ZNF48: variants seen among roughly 807,000 people sequenced by gnomAD.
The protein encoded by ZNF48 is zinc finger protein 48.
ZNF48 carries 20 observed loss-of-function variants against 40.0 expected under a neutral mutation model. The ratio of observed to expected loss-of-function variants is 0.50; its 90% CI spans 0.35 to 0.73. The LOEUF is 0.73. ZNF48 is among the 30% of genes least tolerant of loss of function. The pLI, the probability that ZNF48 is intolerant of heterozygous loss-of-function variation, is 0.01. For missense variants in ZNF48, 726 were observed against 851.9 expected, an observed-to-expected ratio of 0.85 and a Z score of 1.84; for synonymous variants, 298 against 329.7, an observed-to-expected ratio of 0.90 and a Z score of 1.04.
chr16:30,382,997 C>T lies in ZNF48; in HGVS notation c.-16+4587C>T, dbSNP rs1213661942. 8.3e-6 allele frequency: 5 copies of T among 599,502 alleles called. No individual in the cohort carries two copies. Among genetic ancestry groups the T allele is most frequent in the Non-Finnish European group, 1.5e-5 (5 of 333,842 alleles). 37.1% of individuals were successfully genotyped at this position (599,502 alleles called of 1,614,324 possible). On this transcript the variant is annotated intron_variant, in intron 1 of 2. Coordinates refer to the ZNF48 transcript ENST00000528032. The surrounding 1 kb of genome is among the most constrained non-coding windows in gnomAD (Gnocchi z 4.8). ...CAGACCAGCCTGGGCAACAGAGGGA[C>T]GTGCCCCTCTACCATCTCTACAAAA...
intron 1 of ZNF48, among the ~76,000 whole-genome samples, chr16:30,384,190 G>A (rs530459030): frequency 6.6e-5 from 10 of 151,680 alleles, no homozygotes; most frequent in African/African-American, 2.4e-4. Flanking sequence ...ACTCCATCCT[G>A]GGCAACAGAG....
In ZNF48 at chr16:30,381,138, G is replaced by A; in HGVS notation, c.-16+2728G>A. On this transcript the variant is annotated intron_variant, in intron 1 of 2. Transcript: ENST00000528032. This position sits in a 1 kb window ranked among gnomAD's most constrained non-coding sequence, Gnocchi z 4.3. ...GTCATCACTCACACCTTCTGCTTGA[G>A]GGCCTGGGTTTCCTGGGGCATCAGA... is the stretch of plus-strand genomic sequence containing the variant. The A allele has an allele frequency of 6.2e-7, 1 of 1,613,644 alleles. No individual in the cohort carries two copies. The highest frequency in any genetic ancestry group is 8.5e-7 in the Non-Finnish European group (1 of 1,179,560).
intron 1 of ZNF48, among the ~76,000 whole-genome samples, chr16:30,387,233 G>A (rs1194303602): frequency 4.2e-5 from 6 of 143,996 alleles, no homozygotes; most frequent in East Asian, 2.2e-4. Context: ...GTGAGCCACC[G>A]CGCCCGGCCT....
chr16:30,384,257 G>A (rs1024362817), intron 1 of ZNF48, among the ~76,000 whole-genome samples: 3 of 151,730 alleles, frequency 2.0e-5, no homozygotes, highest in South Asian at 2.1e-4. Flanking sequence ...GGACCGCTGC[G>A]GTGGCTCACA....
upstream of ZNF48, among the ~76,000 whole-genome samples, chr16:30,393,578 T>G (rs968143708): frequency 6.6e-6 from 1 of 151,568 alleles, no homozygotes; most frequent in Non-Finnish European, 1.5e-5. Context: ...AGAGACAGGG[T>G]TTCACCATGT....
rs1363186634 is a variant in ZNF48 at position 30,398,730 on chromosome 16, C to T, written c.1480C>T (p.Arg494Ter). 5 of 1,613,812 alleles carry T rather than the reference C, an allele frequency of 3.1e-6. No homozygotes were observed. The highest frequency in any genetic ancestry group is 1.7e-6 in the Non-Finnish European group (2 of 1,180,000). ...CAAGGGTTTTGCTGACAGCTCAGCCCGAGTCAAGCACCTCCGCACCCACCG... is the reference window on the plus strand; with the variant it reads ...CAAGGGTTTTGCTGACAGCTCAGCCTGAGTCAAGCACCTCCGCACCCACCG... Reference protein sequence around the residue: ...CGKGFADSSARVKHLRTHRGE... With the variant: ...CGKGFADSSA The change falls in exon 3 of 3, where the codon CGA (arginine) becomes TGA (stop). Residue 494 changes from arginine to a stop codon, truncating the protein, a stop_gained. Coordinates refer to ENST00000613509, the MANE Select transcript of ZNF48 (RefSeq NM_001214909.2). LOFTEE classifies it high-confidence loss of function. The surrounding 1 kb of genome is among the most constrained non-coding windows in gnomAD (Gnocchi z 6.6).
Position 30,381,565 on chromosome 16 carries a change from CTT to C in ZNF48, c.-16+3157_-16+3158del. ...GGACTGTGGGAGTAGAATGTCATTT[CTT>C]TGGCTCCCTCCAAAGACATTAAGGG... On this transcript the variant is annotated intron_variant, in intron 1 of 2. Transcript: ENST00000528032. This position sits in a 1 kb window ranked among gnomAD's most constrained non-coding sequence, Gnocchi z 4.3. 6.5e-7 allele frequency: 1 copy of C among 1,536,386 alleles called. No homozygotes were observed. Among genetic ancestry groups the C allele is most frequent in the Non-Finnish European group, 8.9e-7 (1 of 1,120,100 alleles).
chr16:30,381,943 T>C lies in ZNF48; in HGVS notation c.-16+3533T>C. ...GGCTCTGAGGCAGAATTAATTTCCT[T>C]TGTCAATATCACAGTTGCCTGCACC... On this transcript the variant is annotated intron_variant, in intron 1 of 2. Transcript: ENST00000528032. The surrounding 1 kb of genome is among the most constrained non-coding windows in gnomAD (Gnocchi z 4.3). The C allele has an allele frequency of 1.9e-6, 3 of 1,609,758 alleles. No individual in the cohort carries two copies. Among genetic ancestry groups the C allele is most frequent in the East Asian group, 2.2e-5 (1 of 44,864 alleles).
upstream of ZNF48, among the ~76,000 whole-genome samples, chr16:30,394,243 G>T (rs1422199553): frequency 6.6e-6 from 1 of 152,064 alleles, no homozygotes; most frequent in Admixed American, 6.6e-5. Flanking sequence ...AGCTCTCCAA[G>T]GACAAATCTT....
chr16:30,389,816 GTTT>G (rs56373430), intron 1 of ZNF48, among the ~76,000 whole-genome samples: 3 of 22,502 alleles, frequency 1.3e-4, no homozygotes, highest in African/African-American at 3.1e-4. Flanking sequence ...ATTTGGATTA[GTTT>G]TTTTTTTTTT....
chr16:30,398,000 A>C lies in ZNF48; in HGVS notation c.750A>C (p.Pro250=). 1 of 1,613,384 alleles carries C rather than the reference A, an allele frequency of 6.2e-7. No individual in the cohort carries two copies. The highest frequency in any genetic ancestry group is 8.5e-7 in the Non-Finnish European group (1 of 1,179,700). Reference sequence around the variant, plus strand: ...ACCGGGGGGAGCAGCCCCCCCGACCAGTGGTGCCCCGACGGCAGCCATCTC... The same window carrying C: ...ACCGGGGGGAGCAGCCCCCCCGACCCGTGGTGCCCCGACGGCAGCCATCTC... The part of the protein sequence containing the change: ...RTHRGEQPPR[P]VVPRRQPSRA... The change falls in exon 3 of 3, where the codon CCA becomes CCC. Residue 250 remains proline (P), a synonymous_variant. Transcript: ENST00000613509. The surrounding 1 kb of genome is among the most constrained non-coding windows in gnomAD (Gnocchi z 4.1).
rs201797355 is a variant in ZNF48 at position 30,382,274 on chromosome 16, C to A, written c.-16+3864C>A. 1.2e-6 allele frequency: 2 copies of A among 1,613,666 alleles called. No homozygotes were observed. Among genetic ancestry groups the A allele is most frequent in the South Asian group, 1.1e-5 (1 of 91,050 alleles). On this transcript the variant is annotated intron_variant, in intron 1 of 2. Transcript: ENST00000528032. The surrounding 1 kb of genome is among the most constrained non-coding windows in gnomAD (Gnocchi z 4.8). ...CAGTTCCCTCTCCAAAACCCCCAGA[C>A]CTGCCACCATTAGCGTGAAGTCAAA...
chr16:30,398,252 A>T lies in ZNF48; in HGVS notation c.1002A>T (p.Pro334=), dbSNP rs754844047. The change falls in exon 3 of 3, where the codon CCA becomes CCT. Residue 334 remains proline (P), a synonymous_variant. Coordinates refer to ENST00000613509, the MANE Select transcript of ZNF48 (RefSeq NM_001214909.2). This position sits in a 1 kb window ranked among gnomAD's most constrained non-coding sequence, Gnocchi z 6.6. ...CGGGTGAGAAGCCCTACCTCTGCCC[A>T]GAGTGCGGCAAAGGTTTCGCGGACA... ...VHTGEKPYLC[P]ECGKGFADSS... 3 of 1,613,034 alleles carry T rather than the reference A, an allele frequency of 1.9e-6. No homozygotes were observed. In the African/African-American group the frequency reaches 4.0e-5, roughly 22 times the overall value.
chr16:30,383,525 C>A (rs748677578), intron 1 of ZNF48, among the ~76,000 whole-genome samples: 5 of 152,128 alleles, frequency 3.3e-5, no homozygotes, highest in Admixed American at 6.6e-5. Flanking sequence ...AAAAAGTGGA[C>A]CAGAAGCCAT....
At chr16:30,378,720 G>C in intron 1 of ZNF48, 1 of 1,601,756 alleles carries the variant, frequency 6.2e-7, no homozygotes, top group Non-Finnish European at 8.5e-7. Context: ...AGTGGGAAGG[G>C]GACAGGAATC....
chr16:30,387,757 C>T (rs1190474676), intron 1 of ZNF48, among the ~76,000 whole-genome samples: 5 of 151,582 alleles, frequency 3.3e-5, no homozygotes, highest in African/African-American at 1.2e-4. Flanking sequence ...CAGGGTTTCA[C>T]CATGTTGTCC....
rs535809872 is a variant in ZNF48, at chr16:30,381,025, A to C, written c.-16+2615A>C. The C allele has an allele frequency of 1.1e-6, 1 of 937,438 alleles. No homozygotes were observed. The highest frequency in any genetic ancestry group is 2.4e-5 in the East Asian group (1 of 41,754). 58.1% of individuals were successfully genotyped at this position (937,438 alleles called of 1,614,324 possible). On this transcript the variant is annotated intron_variant, in intron 1 of 2. Transcript: ENST00000528032. The surrounding 1 kb of genome is among the most constrained non-coding windows in gnomAD (Gnocchi z 4.3). ...GAAGCTTCTCCTACAATCTAGCCTGATGCACCATGCTCCAGAAAGGCCACT... is the reference window on the plus strand; with the variant it reads ...GAAGCTTCTCCTACAATCTAGCCTGCTGCACCATGCTCCAGAAAGGCCACT...
chr16:30,389,816 GTTTTTTTTTTTTTTT>G (rs56373430), intron 1 of ZNF48, among the ~76,000 whole-genome samples: 3,254 of 22,482 alleles, frequency 0.14, 244 homozygotes, highest in African/African-American at 0.32. Context: ...ATTTGGATTA[GTTTTTTTTTTTTTTT>G]TTTTTTTTTT....
chr16:30,396,688 CTTTTTTTTTT>C (rs1167683501), intron 2 of ZNF48, among the ~76,000 whole-genome samples: 1 of 112,064 alleles, frequency 8.9e-6, no homozygotes, highest in African/African-American at 3.9e-5. Flanking sequence ...CGCTTTGCTA[CTTTTTTTTTT>C]TTTTTTTTTT....
Sources: allele counts gnomAD v4.1 joint callset (sites outside exome capture counted in the v4.1 genomes callset), GRCh38; gene constraint gnomAD v4.1.1; non-coding constraint Gnocchi (gnomAD v3.1); transcripts MANE v1.5; gene names NCBI Gene and HGNC (gene_info 2026-07-23, HGNC 2026-07-21).